The following CREBBP variants were observed in gnomAD, a reference collection of about 807,000 sequenced individuals.
CREBBP encodes CREB binding lysine acetyltransferase.
In CREBBP, 19 loss-of-function variants were observed where a neutral mutation model predicts 265.0. The ratio of observed to expected loss-of-function variants is 0.07; its 90% CI spans 0.05 to 0.11. The LOEUF (loss-of-function observed/expected upper bound fraction) is 0.11, where lower values mean the gene tolerates loss of function less well. Among genes scored for constraint, CREBBP ranks in the 10% least tolerant of loss-of-function variants. The pLI, the probability that CREBBP is intolerant of heterozygous loss-of-function variation, is 1.00. For missense variants in CREBBP, 2,525 were observed against 3,219.0 expected (o/e 0.78, Z 5.22); for synonymous variants, 1,457 against 1,223.7 (o/e 1.19, Z -3.98).
chr16:3,806,759 C>T (rs1436921997), intron 3 of CREBBP, among the ~76,000 whole-genome samples: 1 of 152,170 alleles, frequency 6.6e-6, no homozygotes, highest in Non-Finnish European at 1.5e-5. Flanking sequence ...GATGGCCCAT[C>T]TTCCCTCCAA....
intron 5 of CREBBP, among the ~76,000 whole-genome samples, chr16:3,786,416 A>G (rs781594184): frequency 5.3e-5 from 8 of 152,206 alleles, no homozygotes; most frequent in Non-Finnish European, 1.2e-4. Context: ...TGTACAGTCT[A>G]TGTTGCTGAT....
At chr16:3,832,869 C>G (rs1225104401) in intron 2 of CREBBP, among the ~76,000 whole-genome samples, 1 of 151,382 alleles carries the variant, frequency 6.6e-6, no homozygotes, top group African/African-American at 2.4e-5. Flanking sequence ...GTTCAACACT[C>G]AGAAAGACGT....
At chr16:3,768,071 T>C (rs896159128) in intron 15 of CREBBP, among the ~76,000 whole-genome samples, 162 bp from the exon 16 acceptor site, 2 of 151,418 alleles carry the variant, frequency 1.3e-5, no homozygotes, top group Non-Finnish European at 2.9e-5. Context: ...AGAAATAAAG[T>C]ACTTGGTGTT....
At chr16:3,867,111 TA>T (rs1372056730) in intron 1 of CREBBP, among the ~76,000 whole-genome samples, 1 of 152,194 alleles carries the variant, frequency 6.6e-6, no homozygotes, top group East Asian at 1.9e-4. Flanking sequence ...AACCTACAGA[TA>T]TTTCTATTTC....
Position 3,770,729 on chromosome 16 carries a change from G to A in CREBBP, c.2721C>T (p.Pro907=). 5 of 1,614,062 alleles carry A rather than the reference G, an allele frequency of 3.1e-6. No individual in the cohort carries two copies. The highest frequency in any genetic ancestry group is 4.2e-6 in the Non-Finnish European group (5 of 1,179,998). The change falls in exon 14 of 31, where the codon CCC becomes CCT. Residue 907 remains proline (P), a synonymous_variant. Coordinates refer to ENST00000262367, the MANE Select transcript of CREBBP (RefSeq NM_004380.3). ...GGGTGCTCTGGGTTTGGGTAGCACT[G>A]GGCACTGAGCCAGGAGTCGGGGTGG... ...QTPTPTPGSV[P]SATQTQSTPT...
chr16:3,826,070 G>A (rs921555693), intron 2 of CREBBP, among the ~76,000 whole-genome samples: 7 of 152,158 alleles, frequency 4.6e-5, no homozygotes, highest in African/African-American at 1.4e-4. Context: ...AAAAACAGCC[G>A]GGTGCAGTGG....
At position 3,726,175 on chromosome 16, in the gene CREBBP, G is replaced by A. The variant is rs968516218; in HGVS notation, c.*1543C>T. The A allele has an allele frequency of 1.3e-5, 3 of 232,686 alleles. No individual in the cohort carries two copies. Among genetic ancestry groups the A allele is most frequent in the Non-Finnish European group, 2.5e-5 (3 of 117,902 alleles). 14.4% of individuals were successfully genotyped at this position (232,686 alleles called of 1,614,324 possible). On this transcript the variant is annotated 3_prime_UTR_variant, in exon 31 of 31. Transcript: ENST00000262367. ...CTGCGCGGCAGCGGCAGGATTTGGG[G>A]GGAAGTCAGAAAGCACCTCGCGAGC...
At chr16:3,841,044 GT>G in intron 2 of CREBBP, 1 of 156,034 alleles carries the variant, frequency 6.4e-6, no homozygotes. Context: ...TTTCTTGCTG[GT>G]AATTTTATGT....
At chr16:3,733,545 A>C (rs923249952) in intron 28 of CREBBP, among the ~76,000 whole-genome samples, 1 of 152,214 alleles carries the variant, frequency 6.6e-6, no homozygotes, top group African/African-American at 2.4e-5. Flanking sequence ...CGTGGCAGCA[A>C]ATGTGCCACA....
chr16:3,832,000 TA>T (rs978675950), intron 2 of CREBBP, among the ~76,000 whole-genome samples: 15 of 144,566 alleles, frequency 1.0e-4, no homozygotes, highest in Admixed American at 2.1e-4. Flanking sequence ...CTGACTCAGT[TA>T]AAAAAAAAAG....
chr16:3,840,180 G>A (rs1768058828), intron 2 of CREBBP, among the ~76,000 whole-genome samples: 1 of 152,182 alleles, frequency 6.6e-6, no homozygotes. Flanking sequence ...ATTTCTTTGT[G>A]TTAAGAATCA....
In CREBBP at chr16:3,810,586, G is replaced by A. The variant is rs1384849052; in HGVS notation, c.975+17C>T. On this transcript the variant is annotated intron_variant, in intron 3 of 30. Transcript: ENST00000262367. ...CCCACCGGAGAGCCATAACACTGAG[G>A]GCCAAGGGTAACTTACCATATTTGG... 2.5e-6 allele frequency: 4 copies of A among 1,613,058 alleles called. No homozygotes were observed. The highest frequency in any genetic ancestry group is 1.1e-5 in the South Asian group (1 of 90,998).
Position 3,782,888 on chromosome 16 carries a change from T to C in CREBBP, c.1369A>G (p.Ile457Val), listed in dbSNP as rs369459749. The change falls in exon 6 of 31, where the codon ATT (isoleucine) becomes GTT (valine). Residue 457 changes from isoleucine to valine, a missense_variant. Ile to Val is a conservative substitution (Grantham distance 29). Transcript: ENST00000262367. ...TGTTGCCCTGTGCCAACAGAACCAA[T>C]TGTGTTTTGAATTCCACTAGCTGGA... ...GSPASGIQNT[I>V]GSVGTGQQNA... 4.2e-5 allele frequency: 67 copies of C among 1,614,066 alleles called. No individual in the cohort carries two copies. Among genetic ancestry groups the C allele is most frequent in the Middle Eastern group, 3.3e-4 (2 of 6,084 alleles).
intron 28 of CREBBP, among the ~76,000 whole-genome samples, chr16:3,734,962 C>T (rs2151325321): frequency 6.6e-6 from 1 of 152,342 alleles, no homozygotes; most frequent in Admixed American, 6.5e-5. Context: ...ACCGCTTTTC[C>T]TCACTGGTCA....
At chr16:3,829,670 A>G (rs941151209) in intron 2 of CREBBP, among the ~76,000 whole-genome samples, 3 of 152,244 alleles carry the variant, frequency 2.0e-5, no homozygotes, top group African/African-American at 7.2e-5. Context: ...GAGAGAATCA[A>G]ACTGATCTGA....
At chr16:3,771,754 A>G (rs2053014446) in intron 13 of CREBBP, among the ~76,000 whole-genome samples, 1 of 150,522 alleles carries the variant, frequency 6.6e-6, no homozygotes, top group Non-Finnish European at 1.5e-5. Context: ...ACAGAGTGGG[A>G]TGGTGACAGA....
At chr16:3,748,054 C>T (rs1171782415) in intron 21 of CREBBP, among the ~76,000 whole-genome samples, 1 of 152,128 alleles carries the variant, frequency 6.6e-6, no homozygotes, top group Non-Finnish European at 1.5e-5. Context: ...TGTGCCATTG[C>T]ACTCCAGCCT....
rs766086544 is a variant in CREBBP at position 3,770,880 on chromosome 16, G to A, written c.2570C>T (p.Pro857Leu). ...PVTQSPLHPT[P>L]PPASTAAGMP... ...GCCAGCAGCCGTGGAAGCAGGAGGC[G>A]GTGTTGGGTGCAGTGGTGACTGTGT... The change falls in exon 14 of 31, where the codon CCG (proline) becomes CTG (leucine). Residue 857 changes from proline to leucine, a missense_variant. By Grantham distance (98) the Pro-to-Leu change is moderately conservative. Coordinates refer to ENST00000262367, the MANE Select transcript of CREBBP (RefSeq NM_004380.3). The A allele has an allele frequency of 1.4e-5, 22 of 1,613,736 alleles. No homozygotes were observed. The highest frequency in any genetic ancestry group is 1.9e-5 in the Non-Finnish European group (22 of 1,180,010).
chr16:3,762,615 C>T (rs1292998119), intron 16 of CREBBP, among the ~76,000 whole-genome samples: 1 of 152,130 alleles, frequency 6.6e-6, no homozygotes, highest in African/African-American at 2.4e-5. Context: ...CTCCACGCGG[C>T]AGGGCTGTTG....
Sources: allele counts gnomAD v4.1 joint callset (sites outside exome capture counted in the v4.1 genomes callset), GRCh38; gene constraint gnomAD v4.1.1; transcripts MANE v1.5; gene names NCBI Gene and HGNC (gene_info 2026-07-23, HGNC 2026-07-21).